SMO: variants seen among roughly 807,000 people sequenced by gnomAD.
SMO encodes smoothened, frizzled class receptor.
Under a neutral mutation model 81.6 loss-of-function variants are expected in SMO, and 40 were observed. The observed-to-expected ratio is 0.49, with a 90% CI of 0.38 to 0.64. The LOEUF (loss-of-function observed/expected upper bound fraction) is 0.64. Ranked by LOEUF, SMO falls within the 30% of genes least tolerant of loss-of-function variation. SMO has a pLI of 0.00. For synonymous variants in SMO, 434 were observed against 432.1 expected (o/e 1.00, Z -0.05); for missense variants, 916 against 1,061.1 (o/e 0.86, Z 1.90).
intron 1 of SMO, among the ~76,000 whole-genome samples, chr7:129,202,599 T>C (rs1793688694): frequency 6.6e-6 from 1 of 152,044 alleles, no homozygotes; most frequent in Non-Finnish European, 1.5e-5. Context: ...CTGACAACAT[T>C]TTTCCCCTCT....
At position 129,189,273 on chromosome 7, in the gene SMO, C is replaced by T. The variant is rs889590959; in HGVS notation, c.122C>T (p.Pro41Leu). 1.1e-5 allele frequency: 15 copies of T among 1,387,074 alleles called. No homozygotes were observed. Among genetic ancestry groups the T allele is most frequent in the Non-Finnish European group, 1.4e-5 (15 of 1,080,320 alleles). The allele number at this position is 1,387,074 out of a possible 1,614,324, so 85.9% of individuals were successfully genotyped here. Residue 41 changes from proline (P) to leucine (L), a missense_variant, in exon 1 of 12, where the codon CCT becomes CTT. Around this residue, in one of 4 missense-constraint regions of SMO, gnomAD observed 146 missense variants for 149.9 expected, o/e 0.97. Coordinates refer to ENST00000249373, the MANE Select transcript of SMO (RefSeq NM_005631.5). The surrounding 1 kb of genome is among the most constrained non-coding windows in gnomAD (Gnocchi z 4.7). ...ASSGNATGPG[P>L]RSAGGSARRS... ...AGCGGGAACGCGACCGGGCCTGGGC[C>T]TCGGAGCGCGGGCGGGAGCGCGAGG...
At chr7:129,193,082 C>T (rs930405810) in intron 1 of SMO, among the ~76,000 whole-genome samples, 4 of 152,164 alleles carry the variant, frequency 2.6e-5, no homozygotes, top group South Asian at 2.1e-4. Flanking sequence ...TGCCTCCTCC[C>T]GGGCATTCCA....
Position 129,212,288 on chromosome 7 carries a change from C to T in SMO, c.2201C>T (p.Ser734Phe), listed in dbSNP as rs1179087143. The T allele has an allele frequency of 6.2e-7, 1 of 1,613,814 alleles. No individual in the cohort carries two copies. Among genetic ancestry groups the T allele is most frequent in the Non-Finnish European group, 8.5e-7 (1 of 1,179,884 alleles). The change falls in exon 12 of 12, where the codon TCC becomes TTC. Residue 734 changes from serine (S) to phenylalanine (F), a missense_variant. By Grantham distance (155) the Ser-to-Phe change is radical. Around this residue, in one of 4 missense-constraint regions of SMO, gnomAD observed 324 missense variants for 312.9 expected, o/e 1.04. Transcript: ENST00000249373. This position sits in a 1 kb window ranked among gnomAD's most constrained non-coding sequence, Gnocchi z 5.0. ...CGACAGGGAGCGTGGACCCTGGTCT[C>T]CAACCCATTCTGCCCAGAGCCCAGT... ...SCRQGAWTLV[S>F]NPFCPEPSPP... is the part of the protein sequence containing the mutation.
intron 1 of SMO, among the ~76,000 whole-genome samples, chr7:129,194,281 G>T (rs1348982067): frequency 6.6e-6 from 1 of 152,096 alleles, no homozygotes; most frequent in Non-Finnish European, 1.5e-5. Flanking sequence ...GAGTGCAGTG[G>T]CTATTCAGAG....
chr7:129,207,818 A>G (rs1345209370), intron 6 of SMO, among the ~76,000 whole-genome samples: 1 of 152,154 alleles, frequency 6.6e-6, no homozygotes, highest in African/African-American at 2.4e-5. Context: ...GCTTGAGCCC[A>G]GGAGGTTGAG....
rs768961568 is a variant in SMO at position 129,209,286 on chromosome 7, C to G, written c.1358-3C>G. On this transcript the variant is annotated splice_polypyrimidine_tract_variant and splice_region_variant and intron_variant, in intron 7 of 11. Coordinates refer to ENST00000249373, the MANE Select transcript of SMO (RefSeq NM_005631.5). ...CGTCCTGTCCTGCCCCTGTCCTCCACAGGCATTTTTGGCTTCCTGGCCTTT... is the reference window on the plus strand; with the variant it reads ...CGTCCTGTCCTGCCCCTGTCCTCCAGAGGCATTTTTGGCTTCCTGGCCTTT... 3 of 1,595,842 alleles carry G rather than the reference C, an allele frequency of 1.9e-6. No individual in the cohort carries two copies. The Admixed American group carries it at 5.0e-5, about 27-fold the overall frequency.
chr7:129,193,494 C>T (rs1465038440), intron 1 of SMO, among the ~76,000 whole-genome samples: 1 of 151,794 alleles, frequency 6.6e-6, no homozygotes, highest in Non-Finnish European at 1.5e-5. Flanking sequence ...CGCGGTGGCT[C>T]ACGCCTGCAA....
In SMO at chr7:129,206,076, G is replaced by A. The variant is rs1359303676; in HGVS notation, c.921-74G>A. The A allele has an allele frequency of 2.4e-6, 3 of 1,252,074 alleles. No homozygotes were observed. The highest frequency in any genetic ancestry group is 2.3e-6 in the Non-Finnish European group (2 of 885,656). 77.6% of individuals were successfully genotyped at this position (1,252,074 alleles called of 1,614,324 possible). ...CCAGACCTCAGCAGCTGAGGGTCTG[G>A]GCACAGGGTGGGGAGACCAGGTAGA... On this transcript the variant is annotated intron_variant, in intron 4 of 11. Transcript: ENST00000249373. The surrounding 1 kb of genome is among the most constrained non-coding windows in gnomAD (Gnocchi z 4.4).
At chr7:129,201,455 C>T (rs1307644075) in intron 1 of SMO, among the ~76,000 whole-genome samples, 2 of 152,160 alleles carry the variant, frequency 1.3e-5, no homozygotes, top group Non-Finnish European at 2.9e-5. Context: ...GTAAAATTGA[C>T]TTTTTCTTGT....
Position 129,203,328 on chromosome 7 carries a change from C to T in SMO, c.332-56C>T, listed in dbSNP as rs2566871. 0.5 allele frequency: 667,353 copies of T among 1,327,394 alleles called. 169,570 individuals are homozygous for T. The highest frequency in any genetic ancestry group is 0.55 in the Middle Eastern group (2,283 of 4,134). 82.2% of individuals were successfully genotyped at this position (1,327,394 alleles called of 1,614,324 possible). ...GGCCTGGAGGACAGGGGTGAAGCTGCGTCTGTGGGTCAGAGTGAGGAGGGG... is the reference window on the plus strand; with the variant it reads ...GGCCTGGAGGACAGGGGTGAAGCTGTGTCTGTGGGTCAGAGTGAGGAGGGG... On this transcript the variant is annotated intron_variant, in intron 1 of 11. Coordinates refer to ENST00000249373, the MANE Select transcript of SMO (RefSeq NM_005631.5).
Position 129,211,513 on chromosome 7 carries a change from G to A in SMO, c.1802-123G>A, listed in dbSNP as rs1793869631. ...GTAGAGATCACCGTGGTTACAGGGTGAGCTTTCTCTGGTGAGCAGGAGGGA... is the reference window on the plus strand; with the variant it reads ...GTAGAGATCACCGTGGTTACAGGGTAAGCTTTCTCTGGTGAGCAGGAGGGA... On this transcript the variant is annotated intron_variant, in intron 10 of 11. Coordinates refer to ENST00000249373, the MANE Select transcript of SMO (RefSeq NM_005631.5). This position sits in a 1 kb window ranked among gnomAD's most constrained non-coding sequence, Gnocchi z 4.6. 1 of 1,097,466 alleles carries A rather than the reference G, an allele frequency of 9.1e-7. No homozygotes were observed. Among genetic ancestry groups the A allele is most frequent in the South Asian group, 1.3e-5 (1 of 78,586 alleles). 68.0% of individuals were successfully genotyped at this position (1,097,466 alleles called of 1,614,324 possible).
chr7:129,208,891 A>C lies in SMO; in HGVS notation c.1357+40A>C. ...GGGACTTCGGTCTGAGGTCCTGGCC[A>C]GCCCAACACTGCACCCTCCTGGGGC... On this transcript the variant is annotated intron_variant, in intron 7 of 11. Coordinates refer to ENST00000249373, the MANE Select transcript of SMO (RefSeq NM_005631.5). This position sits in a 1 kb window ranked among gnomAD's most constrained non-coding sequence, Gnocchi z 5.2. 1 of 1,379,404 alleles carries C rather than the reference A, an allele frequency of 7.2e-7. No homozygotes were observed. The highest frequency in any genetic ancestry group is 1.0e-6 in the Non-Finnish European group (1 of 970,764). The allele number at this position is 1,379,404 out of a possible 1,614,324, so 85.4% of individuals were successfully genotyped here.
rs924171569 is a variant in SMO, at chr7:129,189,431, G to A, written c.280G>A (p.Gly94Arg). ...PYGATSTLLA[G>R]DSDSQEEAHG... Reference sequence around the variant, plus strand: ...CGGGGCCACCTCCACACTGCTGGCCGGAGACTCGGACTCCCAGGAGGAAGC... The same window carrying A: ...CGGGGCCACCTCCACACTGCTGGCCAGAGACTCGGACTCCCAGGAGGAAGC... Residue 94 changes from glycine to arginine, a missense_variant, in exon 1 of 12, where the codon GGA becomes AGA. By Grantham distance (125) the Gly-to-Arg change is moderately radical. Transcript: ENST00000249373. The surrounding 1 kb of genome is among the most constrained non-coding windows in gnomAD (Gnocchi z 4.7). 6 of 1,538,866 alleles carry A rather than the reference G, an allele frequency of 3.9e-6. No individual in the cohort carries two copies. Among genetic ancestry groups the A allele is most frequent in the Admixed American group, 2.0e-5 (1 of 51,000 alleles).
chr7:129,209,791 T>C (rs969643672), intron 8 of SMO: 1 of 199,230 alleles, frequency 5.0e-6, no homozygotes, highest in Non-Finnish European at 1.0e-5. Flanking sequence ...CTGCTAATGT[T>C]GGCTAGTTTT....
rs2150649239 is a variant in SMO, at chr7:129,205,704, G to A, written c.842G>A (p.Trp281Ter). 6.2e-7 allele frequency: 1 copy of A among 1,613,374 alleles called. No individual in the cohort carries two copies. The highest frequency in any genetic ancestry group is 8.5e-7 in the Non-Finnish European group (1 of 1,180,024). Residue 281 changes from tryptophan (W) to a stop codon, truncating the protein, a stop_gained, in exon 4 of 12, where the codon TGG (tryptophan) becomes TAG (stop). Transcript: ENST00000249373. LOFTEE classifies it high-confidence loss of function. ...NACFFVGSIG[W>*]LAQFMDGARR... ...TGCTTCTTTGTGGGCAGCATTGGCT[G>A]GCTGGCCCAGTTCATGGATGGTGCC... is the stretch of plus-strand genomic sequence containing the variant.
Position 129,206,728 on chromosome 7 carries a change from A to G in SMO, c.1264+141A>G. ...TAGGGCCTTCACACAGTAGAAGGTG[A>G]CCCTCTAGGCAGACGAAACACCGTG... On this transcript the variant is annotated intron_variant, in intron 6 of 11. Transcript: ENST00000249373. The surrounding 1 kb of genome is among the most constrained non-coding windows in gnomAD (Gnocchi z 4.4). The G allele has an allele frequency of 1.2e-6, 1 of 830,758 alleles. No individual in the cohort carries two copies. Among genetic ancestry groups the G allele is most frequent in the South Asian group, 1.7e-5 (1 of 60,274 alleles). 51.5% of individuals were successfully genotyped at this position (830,758 alleles called of 1,614,324 possible).
chr7:129,189,869 T>C lies in SMO; in HGVS notation c.331+387T>C, dbSNP rs955061448. 2.0e-5 allele frequency among the ~76,000 whole-genome samples: 3 copies of C among 151,328 alleles called. No individual in the cohort carries two copies. Among genetic ancestry groups the C allele is most frequent in the Admixed American group, 6.6e-5 (1 of 15,216 alleles). On this transcript the variant is annotated intron_variant, in intron 1 of 11. Transcript: ENST00000249373. The surrounding 1 kb of genome is among the most constrained non-coding windows in gnomAD (Gnocchi z 4.7). The stretch of plus-strand genomic sequence containing the variant: ...GGAGGTGTTGAAGACCCTGGGGAAA[T>C]TGGAGTTGGAGAGGAAAAGGGGAGG...
chr7:129,197,663 C>T (rs1440277754), intron 1 of SMO, among the ~76,000 whole-genome samples: 1 of 152,210 alleles, frequency 6.6e-6, no homozygotes, highest in South Asian at 2.1e-4. Context: ...CCGTGTGATC[C>T]GCCCGCCTCA....
chr7:129,199,824 C>G (rs746242113), intron 1 of SMO, among the ~76,000 whole-genome samples: 1 of 152,138 alleles, frequency 6.6e-6, no homozygotes, highest in Non-Finnish European at 1.5e-5. Flanking sequence ...ACGAAATATT[C>G]TTTTTTTAAA....
Sources: gnomAD v4.1 joint callset for allele counts (sites outside exome capture counted in the v4.1 genomes callset) on GRCh38, gnomAD v4.1.1 for gene constraint, gnomAD v4.1.1 regional missense constraint, Gnocchi (gnomAD v3.1) non-coding constraint, MANE v1.5 for transcripts, NCBI Gene and HGNC (gene_info 2026-07-23, HGNC 2026-07-21) for gene names.